ADARB2: variants seen among roughly 807,000 people sequenced by gnomAD.
ADARB2 encodes the protein inactive double-stranded RNA-specific editase B2.
A neutral mutation model predicts 62.2 loss-of-function variants in ADARB2; 25 were observed. The ratio of observed to expected loss-of-function variants is 0.40; its 90% CI spans 0.29 to 0.56. The LOEUF (loss-of-function observed/expected upper bound fraction) is 0.56, where lower values mean the gene tolerates loss of function less well. Among genes scored for constraint, ADARB2 ranks in the 20% least tolerant of loss-of-function variants. ADARB2 has a pLI of 0.43. For missense variants in ADARB2, 1,071 were observed against 1,077.4 expected, an observed-to-expected ratio of 0.99 and a Z score of 0.08; for synonymous variants, 572 against 500.8, an observed-to-expected ratio of 1.14 and a Z score of -1.90.
intron 1 of ADARB2, among the ~76,000 whole-genome samples, chr10:1,389,099 T>A (rs1832547797): frequency 1.3e-5 from 2 of 152,242 alleles, no homozygotes; most frequent in South Asian, 4.1e-4. Context: ...TTGAAAAAAA[T>A]GATTCTGAGC....
chr10:1,450,851 G>A lies in ADARB2; in HGVS notation c.101-71691C>T, dbSNP rs531353122. Among the ~76,000 whole-genome samples the A allele has an allele frequency of 7.2e-5, 11 of 152,296 alleles. No homozygotes were observed. The East Asian group carries it at 1.3e-3, about 19-fold the overall frequency. ...TGTTATCTGCCACCTGACCCTCCAC[G>A]AGCTGAAGGCTGCTGCTGAGGGGTG... is the stretch of plus-strand genomic sequence containing the variant. On this transcript the variant is annotated intron_variant, in intron 1 of 9. Transcript: ENST00000381312.
chr10:1,465,592 C>T (rs1337594253), intron 1 of ADARB2, among the ~76,000 whole-genome samples: 2 of 152,236 alleles, frequency 1.3e-5, no homozygotes, highest in Non-Finnish European at 2.9e-5. Flanking sequence ...CAGGGCAATT[C>T]CCCTGTAGAG....
intron 2 of ADARB2, among the ~76,000 whole-genome samples, chr10:1,375,747 ACG>A (rs1832416959): frequency 6.6e-6 from 1 of 152,186 alleles, no homozygotes; most frequent in African/African-American, 2.4e-5. Flanking sequence ...ACAGATTCAC[ACG>A]CCACACACAT....
rs1025361574 is a variant in ADARB2 at position 1,704,906 on chromosome 10, T to C, written c.100+32145A>G. Reference sequence around the variant, plus strand: ...GTTTATCATTTGAGCAGGAAAAGGGTGCAGGGGAGACCATGAGGGCGTGGG... The same window carrying C: ...GTTTATCATTTGAGCAGGAAAAGGGCGCAGGGGAGACCATGAGGGCGTGGG... On this transcript the variant is annotated intron_variant, in intron 1 of 9. Transcript: ENST00000381312. The surrounding 1 kb of genome is among the most constrained non-coding windows in gnomAD (Gnocchi z 5.6). 6.6e-6 allele frequency among the ~76,000 whole-genome samples: 1 copy of C among 151,896 alleles called. No individual in the cohort carries two copies. Among genetic ancestry groups the C allele is most frequent in the East Asian group, 1.9e-4 (1 of 5,156 alleles).
At chr10:1,317,047 A>G (rs1270926953) in intron 3 of ADARB2, among the ~76,000 whole-genome samples, 4 of 152,200 alleles carry the variant, frequency 2.6e-5, no homozygotes, top group Non-Finnish European at 5.9e-5. Context: ...AATCATTTTT[A>G]TGGGCACTGC....
At chr10:1,230,651 T>C (rs1348457482) in intron 6 of ADARB2, among the ~76,000 whole-genome samples, 1 of 152,178 alleles carries the variant, frequency 6.6e-6, no homozygotes, top group Non-Finnish European at 1.5e-5. Flanking sequence ...GCCAGCTCTC[T>C]GAAGGGTCCT....
intron 8 of ADARB2, among the ~76,000 whole-genome samples, chr10:1,189,350 C>G (rs182240011): frequency 3.9e-5 from 6 of 152,006 alleles, no homozygotes; most frequent in African/African-American, 1.5e-4. Context: ...GTGTTCCTGT[C>G]GAGCACCTTC....
At chr10:1,609,611 C>T (rs967049348) in intron 1 of ADARB2, among the ~76,000 whole-genome samples, 2 of 152,274 alleles carry the variant, frequency 1.3e-5, no homozygotes, top group Non-Finnish European at 2.9e-5. Flanking sequence ...TCACATTTCA[C>T]ATGAGGGACT....
At chr10:1,316,167 G>C (rs1205100374) in intron 3 of ADARB2, among the ~76,000 whole-genome samples, 2 of 152,248 alleles carry the variant, frequency 1.3e-5, no homozygotes. Context: ...TGGGGCAGCA[G>C]AGATGCTCCC....
At chr10:1,619,178 A>C (rs1465033775) in intron 1 of ADARB2, among the ~76,000 whole-genome samples, 1 of 152,174 alleles carries the variant, frequency 6.6e-6, no homozygotes, top group Non-Finnish European at 1.5e-5. Context: ...GAATGGTCTA[A>C]ACACCCAAAT....
At chr10:1,428,274 C>G (rs1830730696) in intron 1 of ADARB2, among the ~76,000 whole-genome samples, 1 of 148,840 alleles carries the variant, frequency 6.7e-6, no homozygotes, top group Non-Finnish European at 1.5e-5. Flanking sequence ...CACCTGCCTC[C>G]AAAATGTTTT....
intron 3 of ADARB2, among the ~76,000 whole-genome samples, chr10:1,326,852 C>CTGGTAGCA (rs1564257886): frequency 5.2e-4 from 31 of 59,878 alleles, no homozygotes; most frequent in Non-Finnish European, 1.0e-3. Context: ...CCCAGCGCCT[C>CTGGTAGCA]CCCACTGCCC....
rs1423495566 is a variant in ADARB2 at position 1,304,098 on chromosome 10, A to T, written c.1078-33029T>A. On this transcript the variant is annotated intron_variant, in intron 3 of 9. Transcript: ENST00000381312. ...GACTGGCAAATTGGATAAAGAGTCAAGACCCATCAGTGTGCTGTATTCAGG... is the reference window on the plus strand; with the variant it reads ...GACTGGCAAATTGGATAAAGAGTCATGACCCATCAGTGTGCTGTATTCAGG... 2.4e-4 allele frequency among the ~76,000 whole-genome samples: 36 copies of T among 151,236 alleles called. No individual in the cohort carries two copies. In the South Asian group the frequency reaches 7.3e-3, roughly 31 times the overall value.
At chr10:1,438,362 TCA>T (rs1564289056) in intron 1 of ADARB2, among the ~76,000 whole-genome samples, 12 of 129,110 alleles carry the variant, frequency 9.3e-5, no homozygotes, top group African/African-American at 3.5e-4. Context: ...CTGAGTCTCC[TCA>T]GCAGATGGAA....
intron 1 of ADARB2, among the ~76,000 whole-genome samples, chr10:1,634,536 T>C (rs1833890663): frequency 6.6e-6 from 1 of 152,204 alleles, no homozygotes; most frequent in Admixed American, 6.5e-5. Context: ...GTGTTTCTTC[T>C]GGAGTTTGCA....
intron 1 of ADARB2, among the ~76,000 whole-genome samples, chr10:1,490,232 A>G (rs1424444650): frequency 6.6e-6 from 1 of 152,178 alleles, no homozygotes; most frequent in African/African-American, 2.4e-5. Flanking sequence ...GAAGAGTAGG[A>G]TTCCACCACT....
intron 1 of ADARB2, among the ~76,000 whole-genome samples, chr10:1,505,470 G>A (rs1000983671): frequency 2.0e-5 from 3 of 151,944 alleles, no homozygotes; most frequent in South Asian, 4.1e-4. Context: ...TTAGGGAGGC[G>A]AAATGATTTC....
At chr10:1,267,321 A>T (rs1831214519) in intron 4 of ADARB2, among the ~76,000 whole-genome samples, 1 of 152,196 alleles carries the variant, frequency 6.6e-6, no homozygotes, top group Non-Finnish European at 1.5e-5. Context: ...GATGACAAGC[A>T]AATCAAGGAA....
chr10:1,498,863 A>G (rs1831725136), intron 1 of ADARB2, among the ~76,000 whole-genome samples: 1 of 152,068 alleles, frequency 6.6e-6, no homozygotes, highest in South Asian at 2.1e-4. Flanking sequence ...CTCACTCATC[A>G]TTTATCATTC....
Sources: gnomAD v4.1 joint callset for allele counts (sites outside exome capture counted in the v4.1 genomes callset) on GRCh38, gnomAD v4.1.1 for gene constraint, Gnocchi (gnomAD v3.1) non-coding constraint, MANE v1.5 for transcripts, NCBI Gene and HGNC (gene_info 2026-07-23, HGNC 2026-07-21) for gene names.